Variants in LHFPL3 observed in about 807,000 individuals in gnomAD.
LHFPL3 encodes the protein LHFPL tetraspan subfamily member 3, also known as LHFPL tetraspan subfamily member 3 protein.
LHFPL3 carries 5 observed loss-of-function variants against 19.3 expected under a neutral mutation model. That is an observed-to-expected ratio of 0.26 (90% CI 0.14 to 0.54). The LOEUF (loss-of-function observed/expected upper bound fraction) is 0.54, where lower values mean the gene tolerates loss of function less well. LHFPL3 is among the 20% of genes least tolerant of loss of function. The probability of loss-of-function intolerance (pLI) is 0.94; values close to 1 mark genes in which losing one functional copy is unlikely to be tolerated. For synonymous variants in LHFPL3, 133 were observed against 126.2 expected (o/e 1.05, Z -0.36); for missense variants, 249 against 307.4 (o/e 0.81, Z 1.42).
intron 2 of LHFPL3, among the ~76,000 whole-genome samples, chr7:104,899,736 T>C (rs1792446054): frequency 6.6e-6 from 1 of 152,120 alleles, no homozygotes; most frequent in African/African-American, 2.4e-5. Flanking sequence ...CCCTAATTTA[T>C]TAATTCTTTT....
At chr7:104,378,109 C>T (rs1404054673) in intron 1 of LHFPL3, among the ~76,000 whole-genome samples, 2 of 152,098 alleles carry the variant, frequency 1.3e-5, no homozygotes. Flanking sequence ...TTCATTTTTT[C>T]AATTTTTAAT....
At chr7:104,603,074 C>CTTTA (rs1258294993) in intron 1 of LHFPL3, among the ~76,000 whole-genome samples, 2 of 58,500 alleles carry the variant, frequency 3.4e-5, no homozygotes, top group Non-Finnish European at 7.9e-5. Context: ...CTTTTTCTTT[C>CTTTA]TTTCTTTCTT....
chr7:104,773,104 A>G (rs1794580403), intron 2 of LHFPL3, among the ~76,000 whole-genome samples: 1 of 152,196 alleles, frequency 6.6e-6, no homozygotes, highest in African/African-American at 2.4e-5. Context: ...ATGTAAATGC[A>G]GTGGCCCAGC....
chr7:104,365,434 G>A (rs1790466691), intron 1 of LHFPL3, among the ~76,000 whole-genome samples: 1 of 141,350 alleles, frequency 7.1e-6, no homozygotes, highest in South Asian at 2.2e-4. Flanking sequence ...TCCTGTGATT[G>A]TTTTTGTGAT....
intron 1 of LHFPL3, among the ~76,000 whole-genome samples, chr7:104,422,223 C>T (rs989200099): frequency 7.2e-5 from 11 of 152,258 alleles, no homozygotes; most frequent in East Asian, 1.9e-4. Flanking sequence ...TAGCTGGCCA[C>T]GGTGGCATGT....
chr7:104,608,059 T>C (rs2115733509), intron 1 of LHFPL3, among the ~76,000 whole-genome samples: 1 of 152,316 alleles, frequency 6.6e-6, no homozygotes, highest in African/African-American at 2.4e-5. Context: ...GACTGTAAAC[T>C]AGTTCAACCA....
chr7:104,737,222 G>C (rs1289251086), intron 2 of LHFPL3, among the ~76,000 whole-genome samples: 1 of 151,966 alleles, frequency 6.6e-6, no homozygotes, highest in Admixed American at 6.6e-5. Flanking sequence ...TAATGGCTAA[G>C]ATGTAACTGT....
rs186921993 is a variant in LHFPL3, at chr7:104,750,079, G to T, written c.682+13168G>T. ...TAAATCTCGACCCCACAGATTAAGA[G>T]GAATTGAAGTAATCATTAGCTGAAC... On this transcript the variant is annotated intron_variant, in intron 2 of 2. Transcript: ENST00000424859. 4.7e-4 allele frequency among the ~76,000 whole-genome samples: 71 copies of T among 152,268 alleles called. 1 individual carries two copies. The highest frequency in any genetic ancestry group is 1.7e-3 in the African/African-American group (70 of 41,546).
chr7:104,467,997 G>C (rs959653484), intron 1 of LHFPL3, among the ~76,000 whole-genome samples: 1 of 152,178 alleles, frequency 6.6e-6, no homozygotes, highest in African/African-American at 2.4e-5. Context: ...CAGGAAAGAG[G>C]TATCTGTCTG....
chr7:104,690,646 G>A (rs963951844), intron 1 of LHFPL3, among the ~76,000 whole-genome samples: 25 of 152,330 alleles, frequency 1.6e-4, no homozygotes, highest in African/African-American at 6.0e-4. Context: ...ATGGCATGGG[G>A]CCTGTCAAGG....
chr7:104,551,937 TTC>T lies in LHFPL3; in HGVS notation c.446-184732_446-184731del, dbSNP rs553355528. On this transcript the variant is annotated intron_variant, in intron 1 of 2. Transcript: ENST00000424859. ...TGTGCTCTGCTTATCAGCCATCCTC[TTC>T]TCTCTAAAACTTTCAGTGTTGCGGC... Among the ~76,000 whole-genome samples the T allele has an allele frequency of 6.6e-5, 10 of 152,288 alleles. No homozygotes were observed. In the East Asian group the frequency reaches 1.9e-3, roughly 29 times the overall value.
intron 2 of LHFPL3, chr7:104,759,822 C>T (rs536701013): frequency 6.7e-4 from 102 of 152,288 alleles, no homozygotes; most frequent in African/African-American, 2.4e-3. Context: ...CCACAACAGA[C>T]CTGTGAGGAA....
chr7:104,660,815 G>C (rs193076913), intron 1 of LHFPL3, among the ~76,000 whole-genome samples: 23 of 152,258 alleles, frequency 1.5e-4, no homozygotes, highest in Admixed American at 1.2e-3. Flanking sequence ...ATAATACACA[G>C]AAGTCAAGTG....
chr7:104,802,260 T>G (rs1790266518), intron 2 of LHFPL3, among the ~76,000 whole-genome samples: 1 of 151,734 alleles, frequency 6.6e-6, no homozygotes, highest in South Asian at 2.1e-4. Context: ...TTTGGGAGGG[T>G]GAGGTGGGCA....
chr7:104,693,028 G>GT (rs1388461041), intron 1 of LHFPL3, among the ~76,000 whole-genome samples: 2 of 152,236 alleles, frequency 1.3e-5, no homozygotes, highest in African/African-American at 4.8e-5. Flanking sequence ...GCCCAAGGCC[G>GT]TGAGAGCCCA....
rs1584293924 is a variant in LHFPL3, at chr7:104,399,966, T to C, written c.445+70742T>C. 6.6e-6 allele frequency among the ~76,000 whole-genome samples: 1 copy of C among 151,128 alleles called. No individual in the cohort carries two copies. Among genetic ancestry groups the C allele is most frequent in the South Asian group, 2.1e-4 (1 of 4,756 alleles). ...TAAAAATACAAAAATTAGCTGGGCA[T>C]GGTGGCAGATGCCTGTAATCCCAGC... On this transcript the variant is annotated intron_variant, in intron 1 of 2. Coordinates refer to ENST00000424859, the MANE Select transcript of LHFPL3 (RefSeq NM_199000.3). The surrounding 1 kb of genome is among the most constrained non-coding windows in gnomAD (Gnocchi z 4.4).
chr7:104,782,077 A>G (rs1363302980), intron 2 of LHFPL3, among the ~76,000 whole-genome samples: 1 of 152,204 alleles, frequency 6.6e-6, no homozygotes, highest in Non-Finnish European at 1.5e-5. Context: ...GCAATTCTTC[A>G]GCTCCACATG....
chr7:104,568,102 T>C (rs776553314), intron 1 of LHFPL3, among the ~76,000 whole-genome samples: 1 of 152,176 alleles, frequency 6.6e-6, no homozygotes, highest in East Asian at 1.9e-4. Context: ...CTATGGACTC[T>C]TAAGGAATCC....
chr7:104,849,511 GA>G (rs1791375610), intron 2 of LHFPL3, among the ~76,000 whole-genome samples: 1 of 151,982 alleles, frequency 6.6e-6, no homozygotes, highest in Admixed American at 6.6e-5. Flanking sequence ...AAGGTTCACT[GA>G]AAAGTCAGTG....
Sources: gnomAD v4.1 joint callset for allele counts (sites outside exome capture counted in the v4.1 genomes callset) on GRCh38, gnomAD v4.1.1 for gene constraint, Gnocchi (gnomAD v3.1) non-coding constraint, MANE v1.5 for transcripts, NCBI Gene and HGNC (gene_info 2026-07-23, HGNC 2026-07-21) for gene names.